NUP98: variants seen among roughly 807,000 people sequenced by gnomAD.
The protein encoded by NUP98 is nuclear pore complex protein Nup98-Nup96.
A neutral mutation model predicts 191.9 loss-of-function variants in NUP98; 26 were observed. The observed-to-expected ratio is 0.14, with a 90% CI of 0.10 to 0.19. The LOEUF (loss-of-function observed/expected upper bound fraction) is 0.19, where lower values mean the gene tolerates loss of function less well. Among genes scored for constraint, NUP98 ranks in the 10% least tolerant of loss-of-function variants. The pLI is 1.00. For synonymous variants in NUP98, 808 were observed against 778.4 expected, an observed-to-expected ratio of 1.04 and a Z score of -0.63; for missense variants, 1,941 against 2,178.8, an observed-to-expected ratio of 0.89 and a Z score of 2.17.
chr11:3,709,403 A>G (rs1284442895), intron 20 of NUP98, among the ~76,000 whole-genome samples: 2 of 152,074 alleles, frequency 1.3e-5, no homozygotes, highest in South Asian at 2.1e-4. Context: ...TTCCTTTAAA[A>G]AAGTTTAAAA....
intron 28 of NUP98, among the ~76,000 whole-genome samples, chr11:3,688,705 G>A (rs372358086): frequency 9.3e-5 from 14 of 150,128 alleles, no homozygotes; most frequent in South Asian, 8.4e-4. Flanking sequence ...TGAGGCAGGA[G>A]AATCGCTTGA....
Position 3,702,589 on chromosome 11 carries a change from C to A in NUP98, c.3386G>T (p.Gly1129Val). The A allele has an allele frequency of 6.2e-7, 1 of 1,614,102 alleles. No individual in the cohort carries two copies. Among genetic ancestry groups the A allele is most frequent in the Non-Finnish European group, 8.5e-7 (1 of 1,180,038 alleles). ...AGCAAGAGTCCAGTTGGGGCCCCAA[C>A]CAACACGAAATGAGCGTCCCATGAA... ...ALFMGRSFRV[G>V]WGPNWTLANS... The change falls in exon 23 of 33, where the codon GGT becomes GTT. Residue 1129 changes from glycine (G) to valine (V), a missense_variant. By Grantham distance (109) the Gly-to-Val change is moderately radical. Coordinates refer to ENST00000324932, the MANE Select transcript of NUP98 (RefSeq NM_016320.5).
chr11:3,773,404 C>T (rs1425328403), intron 6 of NUP98, among the ~76,000 whole-genome samples: 1 of 151,688 alleles, frequency 6.6e-6, no homozygotes, highest in South Asian at 2.1e-4. Context: ...AAAAAAAAGA[C>T]CATTAGGGGT....
intron 10 of NUP98, among the ~76,000 whole-genome samples, chr11:3,755,960 C>T (rs1331668498): frequency 6.6e-6 from 1 of 152,096 alleles, no homozygotes; most frequent in African/African-American, 2.4e-5. Flanking sequence ...AAGACTCCAT[C>T]TCGAAAAAAA....
At chr11:3,750,719 C>A (rs1399581568) in intron 11 of NUP98, among the ~76,000 whole-genome samples, 1 of 151,958 alleles carries the variant, frequency 6.6e-6, no homozygotes, top group Admixed American at 6.6e-5. Flanking sequence ...CATCTACCTC[C>A]CAGGCTGAAG....
intron 29 of NUP98, among the ~76,000 whole-genome samples, chr11:3,684,856 C>T (rs2078092619): frequency 6.8e-6 from 1 of 146,010 alleles, no homozygotes; most frequent in Non-Finnish European, 1.5e-5. Context: ...GTAAGCTTTA[C>T]CCTAGGTCAA....
At chr11:3,719,218 T>G (rs2079302521) in intron 18 of NUP98, among the ~76,000 whole-genome samples, 194 bp downstream of exon 18, 1 of 151,744 alleles carries the variant, frequency 6.6e-6, no homozygotes, top group Non-Finnish European at 1.5e-5. Flanking sequence ...AAAAATAAAA[T>G]CAGGGAAAAG....
At chr11:3,744,255 G>T (rs186037245) in intron 12 of NUP98, among the ~76,000 whole-genome samples, 14 of 152,196 alleles carry the variant, frequency 9.2e-5, no homozygotes, top group Admixed American at 7.9e-4. Flanking sequence ...CACATTTAGC[G>T]ATATGAACTA....
Position 3,760,581 on chromosome 11 carries a change from T to C in NUP98, c.1132A>G (p.Thr378Ala), listed in dbSNP as rs761148248. The C allele has an allele frequency of 1.2e-6, 2 of 1,613,950 alleles. No individual in the cohort carries two copies. Among genetic ancestry groups the C allele is most frequent in the East Asian group, 4.5e-5 (2 of 44,874 alleles). Residue 378 changes from threonine to alanine, a missense_variant, in exon 10 of 33, where the codon ACC becomes GCC. Thr to Ala is a moderately conservative substitution (Grantham distance 58). Coordinates refer to ENST00000324932, the MANE Select transcript of NUP98 (RefSeq NM_016320.5). ...GTTGTACCAAATGAAGGTGCACTGGTTGTGCTGCTTCCAAATGTAGTAAGC... is the reference window on the plus strand; with the variant it reads ...GTTGTACCAAATGAAGGTGCACTGGCTGTGCTGCTTCCAAATGTAGTAAGC... ...NKLTTFGSST[T>A]SAPSFGTTSG...
At chr11:3,715,850 T>C (rs2079163386) in intron 18 of NUP98, among the ~76,000 whole-genome samples, 1 of 152,060 alleles carries the variant, frequency 6.6e-6, no homozygotes, top group African/African-American at 2.4e-5. Flanking sequence ...CAAGCAATCC[T>C]CACTTCTCTG....
At chr11:3,742,921 G>T (rs1352306102) in intron 12 of NUP98, among the ~76,000 whole-genome samples, 1 of 152,116 alleles carries the variant, frequency 6.6e-6, no homozygotes, top group Non-Finnish European at 1.5e-5. Flanking sequence ...GGTACAGAAA[G>T]ATCTGACTAT....
At chr11:3,789,666 C>A (rs1394918045) in intron 1 of NUP98, among the ~76,000 whole-genome samples, 2 of 152,074 alleles carry the variant, frequency 1.3e-5, no homozygotes, top group Admixed American at 1.3e-4. Context: ...CAGGCATGTG[C>A]CACTATGTTG....
rs376331446 is a variant in NUP98 at position 3,736,999 on chromosome 11, T to A, written c.1409-1675A>T. 1.1e-4 allele frequency among the ~76,000 whole-genome samples: 16 copies of A among 152,246 alleles called. No homozygotes were observed. In the East Asian group the frequency reaches 2.9e-3, roughly 28 times the overall value. On this transcript the variant is annotated intron_variant, in intron 12 of 32. Coordinates refer to ENST00000324932, the MANE Select transcript of NUP98 (RefSeq NM_016320.5). ...TTGCAGAGAATTTAGGGAACAGACATAAGTAACAATGAAGACTATTCATGA... is the reference window on the plus strand; with the variant it reads ...TTGCAGAGAATTTAGGGAACAGACAAAAGTAACAATGAAGACTATTCATGA...
intron 12 of NUP98, among the ~76,000 whole-genome samples, chr11:3,738,077 T>C (rs1034358252): frequency 2.4e-4 from 26 of 106,474 alleles, no homozygotes; most frequent in Non-Finnish European, 4.2e-4. Flanking sequence ...TCATTCTACC[T>C]GGGCGTTCTC....
At chr11:3,784,000 CAATA>C (rs1485367863) in intron 1 of NUP98, among the ~76,000 whole-genome samples, 2 of 152,070 alleles carry the variant, frequency 1.3e-5, no homozygotes, top group Non-Finnish European at 2.9e-5. Flanking sequence ...TGCTAGCAGA[CAATA>C]AATTAATAAG....
chr11:3,789,088 C>T (rs1333396507), intron 1 of NUP98, among the ~76,000 whole-genome samples: 1 of 152,120 alleles, frequency 6.6e-6, no homozygotes, highest in Non-Finnish European at 1.5e-5. Context: ...TCTCTCAGAC[C>T]TCAATTTCTA....
At chr11:3,763,115 A>T in intron 8 of NUP98, 76 bp from the exon 9 acceptor site, 1 of 1,423,746 alleles carries the variant, frequency 7.0e-7, no homozygotes, top group Non-Finnish European at 9.6e-7. Flanking sequence ...ATAAAAAAAA[A>T]GTTACCATTT....
chr11:3,684,355 A>C (rs530671080), intron 29 of NUP98, among the ~76,000 whole-genome samples: 2 of 152,158 alleles, frequency 1.3e-5, no homozygotes, highest in Non-Finnish European at 2.9e-5. Context: ...CGAGGCGGAC[A>C]GATCACGAGG....
chr11:3,746,018 C>T (rs995279644), intron 11 of NUP98, among the ~76,000 whole-genome samples: 2 of 151,946 alleles, frequency 1.3e-5, no homozygotes, highest in African/African-American at 4.8e-5. Context: ...GCCTGTAATC[C>T]CAGCACTTTG....
Sources: gnomAD v4.1 joint callset for allele counts (sites outside exome capture counted in the v4.1 genomes callset) on GRCh38, gnomAD v4.1.1 for gene constraint, MANE v1.5 for transcripts, NCBI Gene and HGNC (gene_info 2026-07-23, HGNC 2026-07-21) for gene names.